The following SPATA16 variants were observed in gnomAD, a reference collection of about 807,000 sequenced individuals.
SPATA16 encodes the protein spermatogenesis-associated protein 16.
In SPATA16, 36 loss-of-function variants were observed where a neutral mutation model predicts 63.3. The ratio of observed to expected loss-of-function variants is 0.57; its 90% CI spans 0.44 to 0.75. SPATA16 has a LOEUF of 0.75. Ranked by LOEUF, SPATA16 falls within the 30% of genes least tolerant of loss-of-function variation. The pLI is 0.00. For missense variants in SPATA16, 646 were observed against 679.3 expected (o/e 0.95, Z 0.54); for synonymous variants, 203 against 216.7 (o/e 0.94, Z 0.56).
rs139225335 is a variant in SPATA16 at position 172,907,911 on chromosome 3, C to G, written c.1587+5750G>C. Among the ~76,000 whole-genome samples, 61 of 152,234 alleles carry G rather than the reference C, an allele frequency of 4.0e-4. No homozygotes were observed. The East Asian group carries it at 8.9e-3, about 22-fold the overall frequency. On this transcript the variant is annotated intron_variant, in intron 10 of 10. Transcript: ENST00000351008. ...GGTTTTACATGTGCTATTTTCTTTACTTGGGATGCTTTTCACCAGATATTT... is the reference window on the plus strand; with the variant it reads ...GGTTTTACATGTGCTATTTTCTTTAGTTGGGATGCTTTTCACCAGATATTT...
chr3:173,012,792 G>T (rs1056142944), intron 4 of SPATA16, among the ~76,000 whole-genome samples: 1 of 152,194 alleles, frequency 6.6e-6, no homozygotes, highest in Non-Finnish European at 1.5e-5. Context: ...ATGGATTAAA[G>T]ATTTAAATAT....
At chr3:173,106,771 C>G (rs1187895446) in intron 2 of SPATA16, among the ~76,000 whole-genome samples, 1 of 152,158 alleles carries the variant, frequency 6.6e-6, no homozygotes, top group African/African-American at 2.4e-5. Context: ...AGTAATGTTT[C>G]ACACATCATA....
intron 2 of SPATA16, among the ~76,000 whole-genome samples, chr3:173,090,620 AATGCAG>A (rs1165905243): frequency 2.0e-5 from 3 of 152,172 alleles, no homozygotes; most frequent in Non-Finnish European, 4.4e-5. Context: ...CCAGATTGAA[AATGCAG>A]GTTTTCTGAT....
At chr3:172,979,109 C>T (rs977299496) in intron 4 of SPATA16, among the ~76,000 whole-genome samples, 6 of 152,046 alleles carry the variant, frequency 3.9e-5, no homozygotes, top group African/African-American at 1.5e-4. Context: ...TGGCGGCGGG[C>T]GCCTGTAGTC....
intron 10 of SPATA16, among the ~76,000 whole-genome samples, chr3:172,892,647 T>G (rs918493389): frequency 6.6e-6 from 1 of 152,234 alleles, no homozygotes; most frequent in Non-Finnish European, 1.5e-5. Flanking sequence ...AGAAAAATGC[T>G]GGTTAAAGAG....
intron 10 of SPATA16, among the ~76,000 whole-genome samples, chr3:172,912,863 A>G (rs1732399651): frequency 6.6e-6 from 1 of 152,198 alleles, no homozygotes; most frequent in Non-Finnish European, 1.5e-5. Flanking sequence ...TTCAAGGGTC[A>G]ACTGTATATC....
intron 2 of SPATA16, among the ~76,000 whole-genome samples, chr3:173,057,585 C>A (rs926780998): frequency 3.3e-5 from 5 of 152,078 alleles, no homozygotes; most frequent in African/African-American, 1.2e-4. Flanking sequence ...ATTTTATAAG[C>A]CAATGCTAGT....
chr3:172,893,036 A>T (rs767708708), intron 10 of SPATA16, among the ~76,000 whole-genome samples: 1 of 152,210 alleles, frequency 6.6e-6, no homozygotes, highest in East Asian at 1.9e-4. Context: ...GACCCATCAT[A>T]TGACTGTTGG....
intron 2 of SPATA16, among the ~76,000 whole-genome samples, chr3:173,050,727 T>G (rs1247496238): frequency 6.6e-6 from 1 of 152,176 alleles, no homozygotes; most frequent in Non-Finnish European, 1.5e-5. Flanking sequence ...ACTCATGTTT[T>G]GTAAAGGCTC....
At chr3:173,060,542 G>T (rs992139260) in intron 2 of SPATA16, among the ~76,000 whole-genome samples, 1 of 152,118 alleles carries the variant, frequency 6.6e-6, no homozygotes, top group African/African-American at 2.4e-5. Context: ...CAATGTTAAA[G>T]ATTCCATTAC....
rs368570866 is a variant in SPATA16, at chr3:172,901,673, C to A, written c.1588-11981G>T. 9.9e-4 allele frequency among the ~76,000 whole-genome samples: 150 copies of A among 152,218 alleles called. 1 individual carries two copies. Among genetic ancestry groups the A allele is most frequent in the South Asian group, 9.8e-3 (47 of 4,810 alleles). Reference sequence around the variant, plus strand: ...CTGCCTTGTTACTTCCACGTGGAAACAGAGGTTCAGGTTCCCAATTCACCC... The same window carrying A: ...CTGCCTTGTTACTTCCACGTGGAAAAAGAGGTTCAGGTTCCCAATTCACCC... On this transcript the variant is annotated intron_variant, in intron 10 of 10. Coordinates refer to ENST00000351008, the MANE Select transcript of SPATA16 (RefSeq NM_031955.6).
At chr3:173,076,778 A>G (rs1199839247) in intron 2 of SPATA16, among the ~76,000 whole-genome samples, 1 of 152,180 alleles carries the variant, frequency 6.6e-6, no homozygotes, top group Non-Finnish European at 1.5e-5. Context: ...ATGTTTTTGC[A>G]TAAATCCCCT....
intron 10 of SPATA16, among the ~76,000 whole-genome samples, chr3:172,896,943 T>A (rs1454007344): frequency 6.6e-6 from 1 of 152,148 alleles, no homozygotes; most frequent in Non-Finnish European, 1.5e-5. Context: ...GTAAAGTTTT[T>A]AATTTTGATG....
chr3:173,032,643 C>T (rs866883429), intron 3 of SPATA16, among the ~76,000 whole-genome samples: 1 of 152,142 alleles, frequency 6.6e-6, no homozygotes, highest in African/African-American at 2.4e-5. Context: ...ATCAAATAAC[C>T]ATCAAAAGTA....
rs79392510 is a variant in SPATA16 at position 173,022,277 on chromosome 3, C to T, written c.759-2702G>A. Among the ~76,000 whole-genome samples the T allele has an allele frequency of 2.4e-3, 360 of 152,124 alleles. 2 individuals are homozygous for T. Among genetic ancestry groups the T allele is most frequent in the African/African-American group, 7.8e-3 (325 of 41,516 alleles). On this transcript the variant is annotated intron_variant, in intron 3 of 10. Coordinates refer to ENST00000351008, the MANE Select transcript of SPATA16 (RefSeq NM_031955.6). ...GAGTTTAGAAATCACTATTGCTAGA[C>T]GGACTAGGTTCTTTTAATCATAACA...
At position 173,075,728 on chromosome 3, in the gene SPATA16, C is replaced by T. The variant is rs573811018; in HGVS notation, c.613-26634G>A. On this transcript the variant is annotated intron_variant, in intron 2 of 10. Transcript: ENST00000351008. ...ATGTTGAAGCTAAAGAAAAATTGAA[C>T]TCATGGAGATATACAGTAGAATGAT... Among the ~76,000 whole-genome samples the T allele has an allele frequency of 2.0e-5, 3 of 152,120 alleles. 1 individual carries two copies. In the South Asian group the frequency reaches 6.2e-4, roughly 32 times the overall value.
intron 2 of SPATA16, among the ~76,000 whole-genome samples, chr3:173,101,754 A>T (rs540703160): frequency 6.6e-6 from 1 of 151,788 alleles, no homozygotes; most frequent in Non-Finnish European, 1.5e-5. Context: ...CAAAACCTAT[A>T]CTCTAGATCC....
intron 2 of SPATA16, among the ~76,000 whole-genome samples, chr3:173,059,673 T>G (rs530340768): frequency 9.2e-5 from 14 of 152,146 alleles, no homozygotes; most frequent in African/African-American, 3.1e-4. Context: ...TTTAATCATT[T>G]ATGGATTATC....
At chr3:173,073,461 C>T (rs1328327287) in intron 2 of SPATA16, among the ~76,000 whole-genome samples, 1 of 152,224 alleles carries the variant, frequency 6.6e-6, no homozygotes, top group Admixed American at 6.5e-5. Context: ...AGCCTAGGGA[C>T]TTAGCTGCTC....
Sources: allele counts gnomAD v4.1 joint callset (sites outside exome capture counted in the v4.1 genomes callset), GRCh38; gene constraint gnomAD v4.1.1; transcripts MANE v1.5; gene names NCBI Gene and HGNC (gene_info 2026-07-23, HGNC 2026-07-21).